APBB2: variants seen among roughly 807,000 people sequenced by gnomAD.
The protein encoded by APBB2 is amyloid beta precursor protein binding family B member 2, also known as Fe65-like 1.
APBB2 carries 38 observed loss-of-function variants against 82.5 expected under a neutral mutation model. The observed-to-expected ratio is 0.46, with a 90% CI of 0.36 to 0.60. APBB2 has a LOEUF of 0.60. APBB2 is among the 20% of genes least tolerant of loss of function. APBB2 has a pLI of 0.00. For synonymous variants in APBB2, 341 were observed against 368.2 expected, an observed-to-expected ratio of 0.93 and a Z score of 0.85; for missense variants, 772 against 972.3, an observed-to-expected ratio of 0.79 and a Z score of 2.74.
chr4:40,996,860 T>A (rs1560485593), intron 6 of APBB2, among the ~76,000 whole-genome samples: 1 of 152,198 alleles, frequency 6.6e-6, no homozygotes, highest in East Asian at 1.9e-4. Flanking sequence ...GACCCAATTG[T>A]CCCACAGTGC....
chr4:40,842,844 G>C (rs994625868), intron 12 of APBB2, among the ~76,000 whole-genome samples: 2 of 152,026 alleles, frequency 1.3e-5, no homozygotes, highest in African/African-American at 4.8e-5. Flanking sequence ...CACTTTTCCT[G>C]AGATGCATCC....
At chr4:40,969,570 G>A (rs1795459661) in intron 6 of APBB2, among the ~76,000 whole-genome samples, 1 of 152,162 alleles carries the variant, frequency 6.6e-6, no homozygotes, top group Admixed American at 6.5e-5. Context: ...AAAATATGGA[G>A]CCAAAGTAAC....
chr4:41,131,248 G>T (rs1755887267), intron 2 of APBB2, among the ~76,000 whole-genome samples: 1 of 152,052 alleles, frequency 6.6e-6, no homozygotes, highest in African/African-American at 2.4e-5. Flanking sequence ...AAGTTCACTG[G>T]TTTACTTTCT....
intron 6 of APBB2, among the ~76,000 whole-genome samples, chr4:40,969,680 A>C (rs1271164583): frequency 6.6e-6 from 1 of 152,192 alleles, no homozygotes; most frequent in Non-Finnish European, 1.5e-5. Flanking sequence ...CCTTCCTCCC[A>C]GCGTGTAACT....
chr4:40,919,710 T>C (rs2154367467), intron 10 of APBB2, among the ~76,000 whole-genome samples: 1 of 152,290 alleles, frequency 6.6e-6, no homozygotes, highest in African/African-American at 2.4e-5. Flanking sequence ...CATGAAAATA[T>C]TTTGAGGACA....
At chr4:41,137,853 A>G (rs79985783) in intron 2 of APBB2, among the ~76,000 whole-genome samples, 1,991 of 152,308 alleles carry the variant, frequency 0.013, 37 homozygotes, top group African/African-American at 0.046. Context: ...CACACCATAC[A>G]TAAAAATTGA....
In APBB2 at chr4:40,944,900, T is replaced by C; in HGVS notation, c.1009A>G (p.Ser337Gly). The stretch of plus-strand genomic sequence containing the variant: ...GGGGTGGGAGATGGCGTTACAGAAC[T>C]AAGTGACCCTTTCCTAGAACCCTGG... The part of the protein sequence containing the change: ...DLQGSRKGSL[S>G]SVTPSPTPEN... Residue 337 changes from serine (S) to glycine (G), a missense_variant, in exon 7 of 18, where the codon AGT (serine) becomes GGT (glycine). Physicochemically the swap from Ser to Gly is moderately conservative, Grantham distance 56. Coordinates refer to ENST00000508593, the MANE Select transcript of APBB2 (RefSeq NM_004307.2). 6.2e-7 allele frequency: 1 copy of C among 1,613,366 alleles called. No individual in the cohort carries two copies.
intron 6 of APBB2, among the ~76,000 whole-genome samples, chr4:41,009,465 A>T (rs1021045318): frequency 4.6e-5 from 7 of 152,200 alleles, no homozygotes; most frequent in Non-Finnish European, 1.0e-4. Context: ...AGAAGTTACT[A>T]AACAGCTGGA....
intron 6 of APBB2, among the ~76,000 whole-genome samples, chr4:41,010,820 A>T (rs1441542344): frequency 6.6e-6 from 1 of 152,248 alleles, no homozygotes; most frequent in East Asian, 1.9e-4. Flanking sequence ...AATTGGAGTA[A>T]CTTTTTCCTG....
intron 6 of APBB2, among the ~76,000 whole-genome samples, chr4:40,982,301 G>A (rs767382927): frequency 0.081 from 1,834 of 22,534 alleles, 306 homozygotes; most frequent in African/African-American, 0.23. Flanking sequence ...AAGGAAGGAA[G>A]GAAGGAAAGA....
chr4:41,063,811 TG>T (rs1486345337), intron 4 of APBB2, among the ~76,000 whole-genome samples: 3 of 152,138 alleles, frequency 2.0e-5, no homozygotes, highest in Non-Finnish European at 4.4e-5. Flanking sequence ...CCCGAGTAGC[TG>T]GGACTACAGG....
At chr4:40,985,986 A>G (rs1303107177) in intron 6 of APBB2, among the ~76,000 whole-genome samples, 1 of 152,244 alleles carries the variant, frequency 6.6e-6, no homozygotes, top group Non-Finnish European at 1.5e-5. Flanking sequence ...TAAGTGACAC[A>G]TAAATAACAA....
chr4:40,919,530 T>A (rs750075679), intron 10 of APBB2, among the ~76,000 whole-genome samples: 11 of 152,224 alleles, frequency 7.2e-5, no homozygotes, highest in Non-Finnish European at 1.6e-4. Context: ...TATGACATAC[T>A]GTAAAACACT....
At position 41,000,059 on chromosome 4, in the gene APBB2, A is replaced by G. The variant is rs1345029917; in HGVS notation, c.835+13524T>C. The stretch of plus-strand genomic sequence containing the variant: ...TGTGTGTGTGTATGTATATGTATAT[A>G]TATGTGTGTATGTGTGTGTGTGTGT... On this transcript the variant is annotated intron_variant, in intron 6 of 17. Coordinates refer to ENST00000508593, the MANE Select transcript of APBB2 (RefSeq NM_004307.2). Among the ~76,000 whole-genome samples, 897 of 92,954 alleles carry G rather than the reference A, an allele frequency of 9.6e-3. 5 individuals are homozygous for G. Among genetic ancestry groups the G allele is most frequent in the African/African-American group, 0.015 (417 of 27,988 alleles). The allele number at this position is 92,954 out of a possible 152,430, so 61.0% of individuals were successfully genotyped here. A position where few individuals can be genotyped will look rare whatever the true frequency, so the allele number is the denominator to read the frequency against.
At chr4:40,923,628 G>A (rs552624586) in intron 10 of APBB2, among the ~76,000 whole-genome samples, 43 of 152,346 alleles carry the variant, frequency 2.8e-4, no homozygotes, top group African/African-American at 9.1e-4. Context: ...CTGCCACCGC[G>A]GCTGGCTGGT....
At chr4:40,841,571 T>C (rs1031800521) in intron 12 of APBB2, among the ~76,000 whole-genome samples, 2 of 152,074 alleles carry the variant, frequency 1.3e-5, no homozygotes, top group Non-Finnish European at 2.9e-5. Flanking sequence ...TGGCTAATAA[T>C]TGACACTGAA....
chr4:40,973,702 T>C (rs1034230092), intron 6 of APBB2, among the ~76,000 whole-genome samples: 1 of 152,196 alleles, frequency 6.6e-6, no homozygotes, highest in East Asian at 1.9e-4. Context: ...GGAGGGATTC[T>C]TCCTTGCTGC....
At chr4:40,960,047 GC>G (rs1327795343) in intron 6 of APBB2, among the ~76,000 whole-genome samples, 1 of 152,084 alleles carries the variant, frequency 6.6e-6, no homozygotes, top group Non-Finnish European at 1.5e-5. Context: ...AAGGTTAAGT[GC>G]CCTTAAAAAA....
intron 2 of APBB2, among the ~76,000 whole-genome samples, chr4:41,125,531 C>A (rs554842273): frequency 6.6e-6 from 1 of 151,568 alleles, no homozygotes; most frequent in Non-Finnish European, 1.5e-5. Flanking sequence ...TAGGATACAT[C>A]GAAAAAAAAC....
Sources: allele counts gnomAD v4.1 joint callset (sites outside exome capture counted in the v4.1 genomes callset), GRCh38; gene constraint gnomAD v4.1.1; transcripts MANE v1.5; gene names NCBI Gene and HGNC (gene_info 2026-07-23, HGNC 2026-07-21).